Variants in PDGFD observed in about 807,000 individuals in gnomAD.
PDGFD encodes the protein platelet derived growth factor D.
PDGFD carries 30 observed loss-of-function variants against 44.7 expected under a neutral mutation model. The observed-to-expected ratio is 0.67, with a 90% confidence interval of 0.50 to 0.91. PDGFD has a LOEUF of 0.91. PDGFD is among the 40% of genes least tolerant of loss of function. The pLI is 0.00. For missense variants in PDGFD, 445 were observed against 457.8 expected (o/e 0.97, Z 0.25); for synonymous variants, 173 against 168.4 (o/e 1.03, Z -0.21).
At position 103,950,990 on chromosome 11, in the gene PDGFD, C is replaced by T. The variant is rs182649872; in HGVS notation, c.511-3266G>A. Among the ~76,000 whole-genome samples the T allele has an allele frequency of 2.4e-4, 37 of 152,202 alleles. 1 individual carries two copies. Among genetic ancestry groups the T allele is most frequent in the Admixed American group, 2.2e-3 (34 of 15,286 alleles). On this transcript the variant is annotated intron_variant, in intron 3 of 6. Transcript: ENST00000393158. ...GCAGAAAGGGACTTTGGTGCACAAG[C>T]CCCTAAACAAATGTTACACAAGAAC...
intron 1 of PDGFD, among the ~76,000 whole-genome samples, chr11:104,143,928 G>C (rs1565347573): frequency 6.6e-6 from 1 of 152,106 alleles, no homozygotes; most frequent in Non-Finnish European, 1.5e-5. Context: ...TTTGTTATTT[G>C]CATACATATT....
At chr11:104,006,988 CTG>C (rs1859712436) in intron 1 of PDGFD, among the ~76,000 whole-genome samples, 1 of 152,206 alleles carries the variant, frequency 6.6e-6, no homozygotes, top group Non-Finnish European at 1.5e-5. Context: ...AAAGTGCACA[CTG>C]TATCACGTGC....
intron 1 of PDGFD, among the ~76,000 whole-genome samples, chr11:104,002,193 C>T (rs757340683): frequency 9.2e-5 from 14 of 152,122 alleles, no homozygotes; most frequent in Non-Finnish European, 1.3e-4. Context: ...AGATCAGCTG[C>T]GAAAACTGGT....
intron 1 of PDGFD, chr11:104,036,819 C>CG (rs1451172626): frequency 3.1e-6 from 5 of 1,611,242 alleles, no homozygotes; most frequent in Non-Finnish European, 4.2e-6. Flanking sequence ...CCCGGGCCCC[C>CG]GCCATGCTGA....
At chr11:103,924,579 G>C (rs1858274316) in intron 6 of PDGFD, among the ~76,000 whole-genome samples, 1 of 152,122 alleles carries the variant, frequency 6.6e-6, no homozygotes, top group Admixed American at 6.5e-5. Context: ...AGTAAGTATG[G>C]TCATGGTGGA....
At position 104,000,149 on chromosome 11, in the gene PDGFD, C is replaced by A. The variant is rs753112734; in HGVS notation, c.231G>T (p.Leu77=). The part of the protein sequence containing the change: ...PRFPNSYPRN[L]LLTWRLHSQE... ...GAGAGTGAAGCCGCCATGTCAGGAG[C>A]AGGTTCCTGGGGTAGCTGTTCGGGA... Residue 77 remains leucine (L), a synonymous_variant, in exon 2 of 7, where the codon CTG becomes CTT. Transcript: ENST00000393158. 1 of 1,614,060 alleles carries A rather than the reference C, an allele frequency of 6.2e-7. No individual in the cohort carries two copies. The highest frequency in any genetic ancestry group is 1.1e-5 in the South Asian group (1 of 91,078).
chr11:103,964,175 C>T (rs1858979771), intron 3 of PDGFD, among the ~76,000 whole-genome samples: 1 of 152,128 alleles, frequency 6.6e-6, no homozygotes, highest in South Asian at 2.1e-4. Flanking sequence ...AGCTTTAAAA[C>T]ATATTGTATG....
At chr11:104,000,552 A>G (rs1859604491) in intron 1 of PDGFD, among the ~76,000 whole-genome samples, 1 of 142,110 alleles carries the variant, frequency 7.0e-6, no homozygotes, top group Admixed American at 7.3e-5. Flanking sequence ...TTCAATTGAT[A>G]TTCTCCGATG....
rs545076991 is a variant in PDGFD, at chr11:104,040,224, T to C, written c.125-39969A>G. On this transcript the variant is annotated intron_variant, in intron 1 of 6. Coordinates refer to ENST00000393158, the MANE Select transcript of PDGFD (RefSeq NM_025208.5). ...CACCAGATTCTTTAACTGTTCCTCA[T>C]AGGACAAATTTGGATTCTCCTAAAA... 2.6e-5 allele frequency among the ~76,000 whole-genome samples: 4 copies of C among 152,222 alleles called. No homozygotes were observed. The East Asian group carries it at 5.8e-4, about 22-fold the overall frequency.
At chr11:104,034,931 C>T (rs1310065431) in intron 1 of PDGFD, among the ~76,000 whole-genome samples, 4 of 152,104 alleles carry the variant, frequency 2.6e-5, no homozygotes, top group African/African-American at 4.8e-5. Context: ...CATGAGCCAC[C>T]GCGCCAGGCA....
chr11:103,984,625 G>T lies in PDGFD; in HGVS notation c.510+11440C>A, dbSNP rs931993477. Among the ~76,000 whole-genome samples, 32 of 151,156 alleles carry T rather than the reference G, an allele frequency of 2.1e-4. 1 individual carries two copies. The highest frequency in any genetic ancestry group is 7.6e-4 in the African/African-American group (31 of 40,848). On this transcript the variant is annotated intron_variant, in intron 3 of 6. Coordinates refer to ENST00000393158, the MANE Select transcript of PDGFD (RefSeq NM_025208.5). ...TGTGTTTAAGTGATGGGACCTATGG[G>T]TGTTTACTTTTTGTTTACATTTCTA...
intron 1 of PDGFD, among the ~76,000 whole-genome samples, chr11:104,128,316 A>G (rs545451996): frequency 1.3e-5 from 2 of 152,284 alleles, no homozygotes; most frequent in East Asian, 3.9e-4. Flanking sequence ...AAATTGATTA[A>G]TCTATCAAAA....
chr11:104,054,832 A>G (rs1297699799), intron 1 of PDGFD, among the ~76,000 whole-genome samples: 5 of 152,234 alleles, frequency 3.3e-5, no homozygotes, highest in Non-Finnish European at 7.3e-5. Context: ...GGGAGACAGT[A>G]ATGGTGCCAG....
At chr11:104,102,523 T>C (rs1189382543) in intron 1 of PDGFD, among the ~76,000 whole-genome samples, 1 of 152,192 alleles carries the variant, frequency 6.6e-6, no homozygotes, top group Admixed American at 6.5e-5. Context: ...AGTTTGGCCA[T>C]TCCTCAAGGA....
chr11:104,000,398 A>G, intron 1 of PDGFD, 143 bp from the exon 2 acceptor site: 1 of 717,500 alleles, frequency 1.4e-6, no homozygotes, highest in Non-Finnish European at 2.3e-6. Flanking sequence ...GCAAATAAAC[A>G]AACTTTTTTT....
chr11:104,054,817 G>A lies in PDGFD; in HGVS notation c.125-54562C>T, dbSNP rs147986784. 4.5e-3 allele frequency among the ~76,000 whole-genome samples: 689 copies of A among 152,344 alleles called. 8 individuals are homozygous for A. Among genetic ancestry groups the A allele is most frequent in the African/African-American group, 0.016 (656 of 41,576 alleles). On this transcript the variant is annotated intron_variant, in intron 1 of 6. Transcript: ENST00000393158. ...CACTTGTAAAAGGAAACAGGCTAGA[G>A]ATAGGGGAGACAGTAATGGTGCCAG... is the stretch of plus-strand genomic sequence containing the variant.
intron 1 of PDGFD, among the ~76,000 whole-genome samples, chr11:104,163,521 G>A (rs1025567573): frequency 3.3e-5 from 5 of 152,062 alleles, no homozygotes; most frequent in African/African-American, 9.7e-5. Context: ...CCGCATCCTG[G>A]TACCAGAGGC....
At chr11:104,017,293 C>T (rs1172973626) in intron 1 of PDGFD, among the ~76,000 whole-genome samples, 1 of 152,098 alleles carries the variant, frequency 6.6e-6, no homozygotes, top group Non-Finnish European at 1.5e-5. Flanking sequence ...GCAGCTTGAG[C>T]GGACTAAGGT....
intron 1 of PDGFD, among the ~76,000 whole-genome samples, chr11:104,132,597 A>C (rs1379315226): frequency 1.3e-5 from 2 of 152,084 alleles, no homozygotes; most frequent in Non-Finnish European, 2.9e-5. Context: ...AGGCTTATAA[A>C]GCCATTCTAG....
Sources: allele counts gnomAD v4.1 joint callset (sites outside exome capture counted in the v4.1 genomes callset), GRCh38; gene constraint gnomAD v4.1.1; transcripts MANE v1.5; gene names NCBI Gene and HGNC (gene_info 2026-07-23, HGNC 2026-07-21).